Variants in LANCL1 observed in about 807,000 individuals in gnomAD.
The protein encoded by LANCL1 is LanC like glutathione S-transferase 1.
LANCL1 carries 50 observed loss-of-function variants against 50.6 expected under a neutral mutation model. The ratio of observed to expected loss-of-function variants is 0.99; its 90% CI spans 0.79 to 1.25. LANCL1 has a LOEUF of 1.25. Among genes scored for constraint, LANCL1 ranks in the 50% most tolerant of loss-of-function variants. The pLI is 0.00. For synonymous variants in LANCL1, 188 were observed against 178.6 expected (o/e 1.05, Z -0.42); for missense variants, 532 against 480.7 (o/e 1.11, Z -1.00).
chr2:210,448,351 A>C (rs1467824049), intron 4 of LANCL1, among the ~76,000 whole-genome samples: 2 of 152,256 alleles, frequency 1.3e-5, no homozygotes, highest in Non-Finnish European at 2.9e-5. Context: ...CAGCTAAAGC[A>C]GCGTTTAGAG....
At chr2:210,459,230 T>TA (rs1693764535) in intron 3 of LANCL1, among the ~76,000 whole-genome samples, 1 of 152,066 alleles carries the variant, frequency 6.6e-6, no homozygotes, top group Admixed American at 6.5e-5. Flanking sequence ...ATGACTATTA[T>TA]GTATATCCAC....
At chr2:210,475,742 GCA>G (rs1694336391) in intron 2 of LANCL1, among the ~76,000 whole-genome samples, 2 of 152,132 alleles carry the variant, frequency 1.3e-5, no homozygotes, top group East Asian at 3.8e-4. Flanking sequence ...GTTCTCTTTT[GCA>G]CAGTGATTTG....
chr2:210,467,282 C>T (rs544466231), intron 3 of LANCL1, among the ~76,000 whole-genome samples: 1 of 152,256 alleles, frequency 6.6e-6, no homozygotes, highest in Admixed American at 6.5e-5. Context: ...AAAGCAAAAA[C>T]GTCCGACAGA....
Position 210,455,317 on chromosome 2 carries a change from G to GGAA in LANCL1, c.200-4_200-3insTTC, listed in dbSNP as rs71395583. 21 of 1,420,772 alleles carry GGAA rather than the reference G, an allele frequency of 1.5e-5. No individual in the cohort carries two copies. The highest frequency in any genetic ancestry group is 2.0e-5 in the Non-Finnish European group (21 of 1,053,580). 88.0% of individuals were successfully genotyped at this position (1,420,772 alleles called of 1,614,324 possible). A position where few individuals can be genotyped will look rare whatever the true frequency, so the allele number is the denominator to read the frequency against. ...ATGTAAGTAAAGCACAGCAATACCTGAAAAAAAAAAAAGGAAACAATGTAA... is the reference window on the plus strand; with the variant it reads ...ATGTAAGTAAAGCACAGCAATACCTGGAAAAAAAAAAAAAAGGAAACAATGTAA... On this transcript the variant is annotated splice_region_variant and splice_polypyrimidine_tract_variant and intron_variant, in intron 3 of 9. Transcript: ENST00000450366.
intron 3 of LANCL1, among the ~76,000 whole-genome samples, chr2:210,465,588 T>C (rs1188782868): frequency 1.3e-5 from 2 of 152,194 alleles, no homozygotes; most frequent in Non-Finnish European, 2.9e-5. Context: ...AAATGTAGCC[T>C]TTATGTTGGT....
intron 2 of LANCL1, 103 bp downstream of exon 2, chr2:210,476,213 A>T (rs1441693510): frequency 1.1e-5 from 7 of 655,344 alleles, no homozygotes; most frequent in African/African-American, 3.7e-5. Flanking sequence ...CGAATCATGT[A>T]TTTTTTTAAA....
intron 3 of LANCL1, among the ~76,000 whole-genome samples, chr2:210,459,257 T>C (rs1693765538): frequency 6.6e-6 from 1 of 152,006 alleles, no homozygotes. Context: ...AAGAATGAAA[T>C]TTGAACCTCA....
intron 9 of LANCL1, 73 bp downstream of exon 9, chr2:210,435,314 T>G: frequency 8.1e-7 from 1 of 1,233,824 alleles, no homozygotes; most frequent in Non-Finnish European, 1.2e-6. Context: ...TGCTAAAACT[T>G]AAATACATTA....
At chr2:210,439,539 C>G (rs1393794368) in intron 6 of LANCL1, among the ~76,000 whole-genome samples, 1 of 152,192 alleles carries the variant, frequency 6.6e-6, no homozygotes, top group East Asian at 1.9e-4. Flanking sequence ...GAGAGGAAGA[C>G]ATGCACCAGA....
chr2:210,440,737 T>C lies in LANCL1; in HGVS notation c.551A>G (p.Glu184Gly). Residue 184 changes from glutamate to glycine, a missense_variant, in exon 6 of 10, where the codon GAA (glutamate) becomes GGA (glycine). By Grantham distance (98) the Glu-to-Gly change is moderately conservative. Coordinates refer to ENST00000450366, the MANE Select transcript of LANCL1 (RefSeq NM_006055.3). ...IPQSHIQQIC[E>G]TILTSGENLA... The stretch of plus-strand genomic sequence containing the variant: ...GTTTTCTCCAGAGGTTAAAATTGTT[T>C]CACAAATCTACAGGGAGAAAACCAA... 6.2e-7 allele frequency: 1 copy of C among 1,613,086 alleles called. No individual in the cohort carries two copies. Among genetic ancestry groups the C allele is most frequent in the Non-Finnish European group, 8.5e-7 (1 of 1,179,626 alleles).
rs142001584 is a variant in LANCL1 at position 210,476,329 on chromosome 2, T to A, written c.68A>T (p.Asp23Val). ...TCCTAAACTCACCCTCCCGGCAGCA[T>A]CAAAGTAGCCTTCGGCCAGGGATTT... ...YNKSLAEGYF[D>V]AAGRLTPEFS... Residue 23 changes from aspartate to valine, a missense_variant, in exon 2 of 10, where the codon GAT becomes GTT. Physicochemically the swap from Asp to Val is radical, Grantham distance 152 (BLOSUM62 -3). Coordinates refer to ENST00000450366, the MANE Select transcript of LANCL1 (RefSeq NM_006055.3). The A allele has an allele frequency of 2.5e-6, 4 of 1,613,570 alleles. No homozygotes were observed. The African/African-American group carries it at 4.0e-5, about 16-fold the overall frequency.
intron 4 of LANCL1, among the ~76,000 whole-genome samples, chr2:210,443,582 T>C (rs1466280740): frequency 6.6e-6 from 1 of 152,184 alleles, no homozygotes. Flanking sequence ...TTAGAAATTA[T>C]CGTGTTTATC....
Position 210,432,960 on chromosome 2 carries a change from A to G in LANCL1, c.*1527T>C, listed in dbSNP as rs1276590109. 2 of 152,640 alleles carry G rather than the reference A, an allele frequency of 1.3e-5. No homozygotes were observed. The highest frequency in any genetic ancestry group is 2.9e-5 in the Non-Finnish European group (2 of 68,042). 9.5% of individuals were successfully genotyped at this position (152,640 alleles called of 1,614,324 possible). A position where few individuals can be genotyped will look rare whatever the true frequency, so the allele number is the denominator to read the frequency against. ...GTGGCCTTTAAAAGGTCAGTTTCCA[A>G]TAATATTAGCTCTTTTGGTGCTAAA... On this transcript the variant is annotated 3_prime_UTR_variant, in exon 10 of 10. Coordinates refer to ENST00000450366, the MANE Select transcript of LANCL1 (RefSeq NM_006055.3).
At chr2:210,435,524 A>G in intron 8 of LANCL1, 65 bp from the exon 9 acceptor site, 1 of 1,221,714 alleles carries the variant, frequency 8.2e-7, no homozygotes, top group Admixed American at 1.7e-5. Context: ...AAAAGTTAAG[A>G]GGTTGTCTAT....
chr2:210,435,298 ATTTTTTGCTAAAAC>A (rs1225887326), intron 9 of LANCL1, 75 bp downstream of exon 9: 1 of 955,340 alleles, frequency 1.0e-6, no homozygotes, highest in East Asian at 2.5e-5. Flanking sequence ...TAATTATAAA[ATTTTTTGCTAAAAC>A]TTAAATACAT....
intron 3 of LANCL1, chr2:210,460,747 T>C (rs1379703730): frequency 6.6e-6 from 1 of 152,186 alleles, no homozygotes; most frequent in Admixed American, 6.6e-5. Flanking sequence ...AGCTGAGCAT[T>C]GTGGGCCGTG....
At position 210,476,647 on chromosome 2, in the gene LANCL1, C is replaced by G; in HGVS notation, c.-44G>C. ...GGACAAAGAGGCCCCGTTTTGCAACCCCGTTCCCACGCCCGCGACTTGAAG... is the reference window on the plus strand; with the variant it reads ...GGACAAAGAGGCCCCGTTTTGCAACGCCGTTCCCACGCCCGCGACTTGAAG... On this transcript the variant is annotated 5_prime_UTR_variant, in exon 1 of 10. Coordinates refer to ENST00000450366, the MANE Select transcript of LANCL1 (RefSeq NM_006055.3). 2 of 1,264,420 alleles carry G rather than the reference C, an allele frequency of 1.6e-6. No individual in the cohort carries two copies. The highest frequency in any genetic ancestry group is 2.3e-5 in the South Asian group (1 of 42,844). 78.3% of individuals were successfully genotyped at this position (1,264,420 alleles called of 1,614,324 possible). A position where few individuals can be genotyped will look rare whatever the true frequency, so the allele number is the denominator to read the frequency against.
chr2:210,438,760 T>TTGACA (rs1263035588), intron 6 of LANCL1, among the ~76,000 whole-genome samples: 3 of 152,222 alleles, frequency 2.0e-5, no homozygotes, highest in Non-Finnish European at 4.4e-5. Context: ...CCACATTATT[T>TTGACA]TGACATAACA....
intron 4 of LANCL1, among the ~76,000 whole-genome samples, chr2:210,447,612 C>G (rs1693383242): frequency 6.6e-6 from 1 of 152,110 alleles, no homozygotes; most frequent in South Asian, 2.1e-4. Context: ...GGAGACCCAG[C>G]TCATGTGCAA....
Sources: allele counts gnomAD v4.1 joint callset (sites outside exome capture counted in the v4.1 genomes callset), GRCh38; gene constraint gnomAD v4.1.1; transcripts MANE v1.5; gene names NCBI Gene and HGNC (gene_info 2026-07-23, HGNC 2026-07-21).